SNED1: variants seen among roughly 807,000 people sequenced by gnomAD.
SNED1 encodes sushi, nidogen and EGF like domains 1.
Under a neutral mutation model 166.7 loss-of-function variants are expected in SNED1, and 81 were observed. That is an observed-to-expected ratio of 0.49 (90% CI 0.41 to 0.58). The LOEUF (loss-of-function observed/expected upper bound fraction) is 0.58, where lower values mean the gene tolerates loss of function less well. Ranked by LOEUF, SNED1 falls within the 20% of genes least tolerant of loss-of-function variation. The pLI is 0.00. For missense variants in SNED1, 1,604 were observed against 2,000.2 expected, an observed-to-expected ratio of 0.80 and a Z score of 3.78; for synonymous variants, 762 against 822.0, an observed-to-expected ratio of 0.93 and a Z score of 1.25.
At chr2:241,008,373 G>A (rs1175639810) in intron 1 of SNED1, among the ~76,000 whole-genome samples, 8 of 152,340 alleles carry the variant, frequency 5.3e-5, no homozygotes, top group South Asian at 2.1e-4. Flanking sequence ...TATTCACCAC[G>A]AAGGGGTGGC....
intron 30 of SNED1, chr2:241,088,161 C>T (rs1031710363): frequency 1.8e-6 from 1 of 570,158 alleles, no homozygotes; most frequent in Non-Finnish European, 3.1e-6. Flanking sequence ...CTTGTCATTC[C>T]TAAACTACTG....
chr2:241,042,989 G>A (rs2061558490), intron 8 of SNED1, among the ~76,000 whole-genome samples: 1 of 151,998 alleles, frequency 6.6e-6, no homozygotes, highest in Non-Finnish European at 1.5e-5. Context: ...ACAGTATCAA[G>A]CAGCCTGGGA....
At chr2:241,021,247 G>A (rs1230552998) in intron 1 of SNED1, among the ~76,000 whole-genome samples, 1 of 152,200 alleles carries the variant, frequency 6.6e-6, no homozygotes, top group Non-Finnish European at 1.5e-5. Context: ...TCCAGAGAGG[G>A]TCCAGGCTCA....
rs867337831 is a variant in SNED1 at position 241,019,466 on chromosome 2, G to C, written c.214-10818G>C. On this transcript the variant is annotated intron_variant, in intron 1 of 31. Transcript: ENST00000310397. The stretch of plus-strand genomic sequence containing the variant: ...ACAGCAACACAATAACCTGGAGAGC[G>C]GAGACCCCACTGGTGGTCCTGGGGG... Among the ~76,000 whole-genome samples the C allele has an allele frequency of 5.3e-5, 8 of 152,198 alleles. No individual in the cohort carries two copies. In the South Asian group the frequency reaches 6.2e-4, roughly 12 times the overall value.
At chr2:241,037,630 C>T (rs1188202713) in intron 6 of SNED1, among the ~76,000 whole-genome samples, 2 of 152,216 alleles carry the variant, frequency 1.3e-5, no homozygotes, top group African/African-American at 4.8e-5. Flanking sequence ...TGCCCAGGTC[C>T]CAAACCAGGC....
intron 5 of SNED1, 78 bp from the exon 6 acceptor site, chr2:241,037,162 C>G: frequency 7.8e-7 from 1 of 1,287,198 alleles, no homozygotes; most frequent in Non-Finnish European, 1.1e-6. Flanking sequence ...CCTCCGTCCC[C>G]GGCCCAACCC....
At chr2:241,017,003 C>T (rs4129022) in intron 1 of SNED1, among the ~76,000 whole-genome samples, 11,987 of 151,972 alleles carry the variant, frequency 0.079, 544 homozygotes, top group South Asian at 0.16. Flanking sequence ...CAGGCATGCA[C>T]CTCCATGCCT....
intron 1 of SNED1, among the ~76,000 whole-genome samples, chr2:241,022,353 A>G (rs545608274): frequency 2.0e-5 from 3 of 152,288 alleles, no homozygotes; most frequent in African/African-American, 7.2e-5. Flanking sequence ...GAGTTTTATA[A>G]TTTTAGCTCT....
intron 1 of SNED1, among the ~76,000 whole-genome samples, chr2:241,028,509 A>G (rs552923684): frequency 6.6e-6 from 1 of 152,310 alleles, no homozygotes; most frequent in Non-Finnish European, 1.5e-5. Flanking sequence ...TTGTATGTGG[A>G]TGTCCAGTTT....
At chr2:241,080,870 G>A (rs552962409) in intron 27 of SNED1, among the ~76,000 whole-genome samples, 2 of 152,362 alleles carry the variant, frequency 1.3e-5, no homozygotes, top group East Asian at 1.9e-4. Flanking sequence ...GGGTGACCAC[G>A]GGGTAGGTGA....
chr2:241,045,727 AT>A lies in SNED1; in HGVS notation c.1274-2585del, dbSNP rs535811165. On this transcript the variant is annotated intron_variant, in intron 8 of 31. Coordinates refer to ENST00000310397, the MANE Select transcript of SNED1 (RefSeq NM_001080437.3). Reference sequence around the variant, plus strand: ...GAAAACATAGGCAAAAAAAAAAAAAATTTATGACCTGGTCTTAAGCAAAGTG... The same window carrying A: ...GAAAACATAGGCAAAAAAAAAAAAAATTATGACCTGGTCTTAAGCAAAGTG... 4.5e-3 allele frequency among the ~76,000 whole-genome samples: 679 copies of A among 151,940 alleles called. 4 individuals are homozygous for A. The highest frequency in any genetic ancestry group is 0.015 in the African/African-American group (634 of 41,484).
rs2062378461 is a variant in SNED1 at position 241,064,974 on chromosome 2, C to T, written c.2713+17C>T. On this transcript the variant is annotated intron_variant, in intron 20 of 31. Coordinates refer to ENST00000310397, the MANE Select transcript of SNED1 (RefSeq NM_001080437.3). This position sits in a 1 kb window ranked among gnomAD's most constrained non-coding sequence, Gnocchi z 7.0. ...GCGCCAAAGGTGGGTGGCGAGGGCG[C>T]CTCCAGTGAGGGAGCCACGAGGGGG... is the stretch of plus-strand genomic sequence containing the variant. 1.3e-6 allele frequency: 2 copies of T among 1,550,330 alleles called. No homozygotes were observed. Among genetic ancestry groups the T allele is most frequent in the South Asian group, 2.4e-5 (2 of 83,318 alleles).
At chr2:241,052,810 A>G (rs2061915007) in intron 15 of SNED1, among the ~76,000 whole-genome samples, 1 of 136,298 alleles carries the variant, frequency 7.3e-6, no homozygotes, top group Non-Finnish European at 1.5e-5. Context: ...TGGGGGGCCC[A>G]AGCAGGGTAC....
intron 7 of SNED1, 40 bp from the exon 8 acceptor site, chr2:241,040,260 G>T: frequency 6.4e-7 from 1 of 1,573,470 alleles, no homozygotes; most frequent in Non-Finnish European, 8.6e-7. Flanking sequence ...GGTGGTTGTG[G>T]CCTGGCTCAA....
intron 8 of SNED1, among the ~76,000 whole-genome samples, chr2:241,044,963 A>G (rs1057378716): frequency 4.6e-5 from 7 of 152,234 alleles, no homozygotes; most frequent in Non-Finnish European, 1.5e-5. Flanking sequence ...ATCTTGGGAC[A>G]GCAACTCCAT....
chr2:241,007,853 G>C (rs2060265658), intron 1 of SNED1, among the ~76,000 whole-genome samples: 1 of 152,194 alleles, frequency 6.6e-6, no homozygotes, highest in Non-Finnish European at 1.5e-5. Flanking sequence ...TTGGCTCTGT[G>C]GTGTTTCAGT....
At chr2:241,012,369 C>T (rs2060436591) in intron 1 of SNED1, among the ~76,000 whole-genome samples, 1 of 152,244 alleles carries the variant, frequency 6.6e-6, no homozygotes, top group Non-Finnish European at 1.5e-5. Context: ...GGGCCCACTG[C>T]CAGGCCGAGA....
chr2:241,010,545 G>A (rs1392218142), intron 1 of SNED1: 2 of 152,418 alleles, frequency 1.3e-5, no homozygotes, highest in African/African-American at 4.8e-5. Flanking sequence ...GTGGCCTGGG[G>A]CCTCCCCAGT....
At position 241,068,815 on chromosome 2, in the gene SNED1, C is replaced by A. The variant is rs2062579173; in HGVS notation, c.3195-96C>A. ...CACCAGCAGCAGGATGACCTCCCCG[C>A]AGTCACCTCCTGCCTGGGGGAGCTG... On this transcript the variant is annotated intron_variant, in intron 22 of 31. Transcript: ENST00000310397. This position sits in a 1 kb window ranked among gnomAD's most constrained non-coding sequence, Gnocchi z 5.3. 2 of 814,864 alleles carry A rather than the reference C, an allele frequency of 2.5e-6. No individual in the cohort carries two copies. The highest frequency in any genetic ancestry group is 1.7e-5 in the African/African-American group (1 of 57,962). 50.5% of individuals were successfully genotyped at this position (814,864 alleles called of 1,614,324 possible). A position where few individuals can be genotyped will look rare whatever the true frequency, so the allele number is the denominator to read the frequency against.
Sources: gnomAD v4.1 joint callset for allele counts (sites outside exome capture counted in the v4.1 genomes callset) on GRCh38, gnomAD v4.1.1 for gene constraint, Gnocchi (gnomAD v3.1) non-coding constraint, MANE v1.5 for transcripts, NCBI Gene and HGNC (gene_info 2026-07-23, HGNC 2026-07-21) for gene names.